The following NTNG1 variants were observed in gnomAD, a reference collection of about 807,000 sequenced individuals.
NTNG1 encodes netrin-G1.
Under a neutral mutation model 54.0 loss-of-function variants are expected in NTNG1, and 16 were observed. The ratio of observed to expected loss-of-function variants is 0.30; its 90% CI spans 0.20 to 0.45. The LOEUF (loss-of-function observed/expected upper bound fraction) is 0.45. NTNG1 is among the 20% of genes least tolerant of loss of function. The pLI, the probability that NTNG1 is intolerant of heterozygous loss-of-function variation, is 1.00. For missense variants in NTNG1, 530 were observed against 678.7 expected (o/e 0.78, Z 2.43); for synonymous variants, 255 against 263.1 (o/e 0.97, Z 0.30).
chr1:107,181,224 AG>A (rs1387039885), intron 2 of NTNG1, among the ~76,000 whole-genome samples: 1 of 152,172 alleles, frequency 6.6e-6, no homozygotes, highest in East Asian at 1.9e-4. Flanking sequence ...TTTTGTATTC[AG>A]AGCTGCTTTC....
chr1:107,289,392 T>C (rs1244676852), intron 2 of NTNG1, among the ~76,000 whole-genome samples: 1 of 152,196 alleles, frequency 6.6e-6, no homozygotes, highest in Admixed American at 6.6e-5. Context: ...TCTCTCCAGC[T>C]TCTTTTATAA....
At chr1:107,190,417 A>T (rs56215037) in intron 2 of NTNG1, among the ~76,000 whole-genome samples, 9,745 of 152,078 alleles carry the variant, frequency 0.064, 416 homozygotes, top group African/African-American at 0.12. Flanking sequence ...TTGTACCATC[A>T]TTTTTTTAAA....
At chr1:107,205,323 T>G (rs1041681420) in intron 2 of NTNG1, among the ~76,000 whole-genome samples, 3 of 152,272 alleles carry the variant, frequency 2.0e-5, no homozygotes, top group Admixed American at 2.0e-4. Context: ...GGGTGATGGT[T>G]TGCTATACAG....
chr1:107,353,644 TGCTTCCAC>T (rs1355024587), intron 3 of NTNG1, among the ~76,000 whole-genome samples: 1 of 152,180 alleles, frequency 6.6e-6, no homozygotes, highest in Non-Finnish European at 1.5e-5. Context: ...ATTCCAAAGC[TGCTTCCAC>T]ATTTTCAGAT....
At chr1:107,446,644 T>C (rs1382551678) in intron 7 of NTNG1, among the ~76,000 whole-genome samples, 1 of 152,106 alleles carries the variant, frequency 6.6e-6, no homozygotes, top group Non-Finnish European at 1.5e-5. Context: ...TGCCCAGCTC[T>C]CTTTTCAGTG....
chr1:107,480,924 C>T lies in NTNG1; in HGVS notation c.*84C>T. ...ACATTTGCTACTAACATAGGAAACACACACATACAGACACCCCCACTCAGA... is the reference window on the plus strand; with the variant it reads ...ACATTTGCTACTAACATAGGAAACATACACATACAGACACCCCCACTCAGA... On this transcript the variant is annotated 3_prime_UTR_variant, in exon 8 of 8. Transcript: ENST00000370068. 1 of 1,031,332 alleles carries T rather than the reference C, an allele frequency of 9.7e-7. No homozygotes were observed. The highest frequency in any genetic ancestry group is 2.1e-5 in the Admixed American group (1 of 47,242). The allele number at this position is 1,031,332 out of a possible 1,614,324, so 63.9% of individuals were successfully genotyped here. A position where few individuals can be genotyped will look rare whatever the true frequency, so the allele number is the denominator to read the frequency against.
intron 3 of NTNG1, among the ~76,000 whole-genome samples, chr1:107,356,537 G>T (rs1225072624): frequency 6.6e-6 from 1 of 152,026 alleles, no homozygotes; most frequent in Non-Finnish European, 1.5e-5. Flanking sequence ...CAAGTGATCT[G>T]CTTGCTTCGG....
At chr1:107,227,965 A>T (rs904721543) in intron 2 of NTNG1, among the ~76,000 whole-genome samples, 1 of 152,206 alleles carries the variant, frequency 6.6e-6, no homozygotes, top group Non-Finnish European at 1.5e-5. Context: ...TTGTTCACTA[A>T]TGAAAACATT....
At chr1:107,374,341 T>G (rs1464212038) in intron 3 of NTNG1, among the ~76,000 whole-genome samples, 2 of 152,192 alleles carry the variant, frequency 1.3e-5, no homozygotes, top group Non-Finnish European at 2.9e-5. Flanking sequence ...TCTCTCTCTC[T>G]TCTCCTTTGA....
intron 3 of NTNG1, among the ~76,000 whole-genome samples, chr1:107,353,813 G>A (rs577673353): frequency 2.0e-5 from 3 of 152,300 alleles, no homozygotes; most frequent in African/African-American, 7.2e-5. Context: ...AAGCATGGTA[G>A]CATCTGCTTC....
At chr1:107,384,553 T>C (rs1205790669) in intron 3 of NTNG1, among the ~76,000 whole-genome samples, 3 of 152,244 alleles carry the variant, frequency 2.0e-5, no homozygotes. Context: ...TTTCTCTGTT[T>C]ATTTGTTTTT....
intron 2 of NTNG1, among the ~76,000 whole-genome samples, chr1:107,159,179 C>A (rs1655222327): frequency 6.6e-6 from 1 of 152,062 alleles, no homozygotes; most frequent in African/African-American, 2.4e-5. Flanking sequence ...ATATGCTAAT[C>A]TGAGGTTGGT....
At chr1:107,422,250 G>T (rs960984625) in intron 5 of NTNG1, among the ~76,000 whole-genome samples, 4 of 152,058 alleles carry the variant, frequency 2.6e-5, no homozygotes, top group Non-Finnish European at 5.9e-5. Context: ...GGCTCAGAGG[G>T]TAACAAATCA....
chr1:107,254,534 T>C (rs1425239110), intron 2 of NTNG1, among the ~76,000 whole-genome samples: 1 of 152,244 alleles, frequency 6.6e-6, no homozygotes, highest in African/African-American at 2.4e-5. Context: ...ACCACTGCCC[T>C]TTGAGGCGCT....
At chr1:107,376,950 T>C (rs540161377) in intron 3 of NTNG1, among the ~76,000 whole-genome samples, 20 of 152,326 alleles carry the variant, frequency 1.3e-4, no homozygotes, top group African/African-American at 4.6e-4. Context: ...ATTCATTGAC[T>C]CAGCAGCAGA....
At position 107,324,923 on chromosome 1, in the gene NTNG1, G is replaced by A; in HGVS notation, c.887+1G>A. 6.2e-7 allele frequency: 1 copy of A among 1,603,720 alleles called. No individual in the cohort carries two copies. The highest frequency in any genetic ancestry group is 8.5e-7 in the Non-Finnish European group (1 of 1,173,686). On this transcript the variant is annotated splice_donor_variant, in intron 3 of 7. Transcript: ENST00000370068. LOFTEE classifies it high-confidence loss of function. The stretch of plus-strand genomic sequence containing the variant: ...TCTCAGACATAAAGGTGCGAGGAAG[G>A]TAAGAGAAAATCTGTCTGCCTTCAA...
At chr1:107,395,396 A>G in intron 4 of NTNG1, 70 bp downstream of exon 4, 1 of 1,401,136 alleles carries the variant, frequency 7.1e-7, no homozygotes, top group Non-Finnish European at 1.0e-6. Context: ...AATTTTGCTT[A>G]CAATTGTGAT....
intron 2 of NTNG1, among the ~76,000 whole-genome samples, chr1:107,314,052 C>T (rs549718040): frequency 5.9e-4 from 90 of 152,238 alleles, no homozygotes; most frequent in African/African-American, 1.9e-3. Context: ...GTAAAGTCGA[C>T]GTTTTTCCTT....
chr1:107,448,005 A>C (rs1384114750), intron 7 of NTNG1, among the ~76,000 whole-genome samples: 1 of 152,110 alleles, frequency 6.6e-6, no homozygotes, highest in Non-Finnish European at 1.5e-5. Flanking sequence ...AAGTTTTGGC[A>C]CTAGAAGATA....
Sources: allele counts gnomAD v4.1 joint callset (sites outside exome capture counted in the v4.1 genomes callset), GRCh38; gene constraint gnomAD v4.1.1; transcripts MANE v1.5; gene names NCBI Gene and HGNC (gene_info 2026-07-23, HGNC 2026-07-21).